The following COX7B2 variants were observed in gnomAD, a reference collection of about 807,000 sequenced individuals.
COX7B2 encodes cytochrome c oxidase subunit 7B2.
For missense variants in COX7B2, 109 were observed against 95.9 expected, an observed-to-expected ratio of 1.14 and a Z score of -0.57; for synonymous variants, 37 against 32.1, an observed-to-expected ratio of 1.15 and a Z score of -0.51.
chr4:46,810,052 C>T (rs191390855), intron 2 of COX7B2, among the ~76,000 whole-genome samples: 1 of 152,060 alleles, frequency 6.6e-6, no homozygotes, highest in Admixed American at 6.5e-5. Flanking sequence ...TAAGTATAGC[C>T]ACTGCTGCTT....
In COX7B2 at chr4:46,876,160, A is replaced by C. The variant is rs561252632; in HGVS notation, c.-104-31146T>G. 8.5e-5 allele frequency among the ~76,000 whole-genome samples: 13 copies of C among 152,258 alleles called. No individual in the cohort carries two copies. The South Asian group carries it at 2.7e-3, about 32-fold the overall frequency. On this transcript the variant is annotated intron_variant, in intron 1 of 2. Transcript: ENST00000355591. Reference sequence around the variant, plus strand: ...ACATGATATGCTTTAAAAAGAACAAAAGGTTTTAAAAATACAACTGTACTA... The same window carrying C: ...ACATGATATGCTTTAAAAAGAACAACAGGTTTTAAAAATACAACTGTACTA...
intron 1 of COX7B2, among the ~76,000 whole-genome samples, chr4:46,846,592 C>G (rs1160615167): frequency 2.0e-5 from 3 of 151,790 alleles, no homozygotes; most frequent in Non-Finnish European, 4.4e-5. Flanking sequence ...TTGAACGGCT[C>G]TAAAGTGAGA....
chr4:46,819,476 CAAG>C (rs746927575), intron 2 of COX7B2, among the ~76,000 whole-genome samples: 2 of 146,200 alleles, frequency 1.4e-5, no homozygotes, highest in African/African-American at 2.5e-5. Context: ...GGCCACACTG[CAAG>C]AAGAAGAATT....
chr4:46,782,535 G>C (rs1015018273), intron 2 of COX7B2, among the ~76,000 whole-genome samples: 4 of 152,174 alleles, frequency 2.6e-5, no homozygotes, highest in Non-Finnish European at 5.9e-5. Flanking sequence ...TCCCATAAGA[G>C]AATAAAAGCA....
At chr4:46,842,020 G>A (rs972409310) in intron 2 of COX7B2, among the ~76,000 whole-genome samples, 1 of 151,886 alleles carries the variant, frequency 6.6e-6, no homozygotes, top group Admixed American at 6.6e-5. Flanking sequence ...TGGATTAGAA[G>A]GATGCAACAG....
At chr4:46,763,076 T>A (rs1380901538) in intron 2 of COX7B2, among the ~76,000 whole-genome samples, 1 of 132,222 alleles carries the variant, frequency 7.6e-6, no homozygotes, top group East Asian at 2.3e-4. Context: ...TTATATAATA[T>A]ATATTACATA....
At chr4:46,822,014 C>T (rs1186664201) in intron 2 of COX7B2, among the ~76,000 whole-genome samples, 1 of 152,098 alleles carries the variant, frequency 6.6e-6, no homozygotes, top group Non-Finnish European at 1.5e-5. Flanking sequence ...TGGGTTCAAG[C>T]GATTCTCCTG....
chr4:46,815,405 A>AGTGTAATAATTATCTATCCTACTT (rs1416346691), intron 2 of COX7B2, among the ~76,000 whole-genome samples: 16 of 152,288 alleles, frequency 1.1e-4, no homozygotes, highest in African/African-American at 3.4e-4. Flanking sequence ...TATGGCCTGC[A>AGTGTAATAATTATCTATCCTACTT]GTGTAATAAT....
chr4:46,843,380 G>C (rs1716065265), intron 2 of COX7B2, among the ~76,000 whole-genome samples: 1 of 152,042 alleles, frequency 6.6e-6, no homozygotes, highest in Non-Finnish European at 1.5e-5. Flanking sequence ...CTCTGAAGTA[G>C]TGATTTGCAT....
chr4:46,771,803 C>T (rs1716894188), intron 2 of COX7B2, among the ~76,000 whole-genome samples: 1 of 152,040 alleles, frequency 6.6e-6, no homozygotes, highest in South Asian at 2.1e-4. Context: ...ACCTCTGATC[C>T]CAAGTATTTC....
In COX7B2 at chr4:46,838,958, C is replaced by T. The variant is rs537308541; in HGVS notation, c.-50+6002G>A. Among the ~76,000 whole-genome samples, 7 of 152,006 alleles carry T rather than the reference C, an allele frequency of 4.6e-5. No individual in the cohort carries two copies. The South Asian group carries it at 1.5e-3, about 32-fold the overall frequency. Reference sequence around the variant, plus strand: ...GCCATGAAATCAAAGTCCCCAGGCCCTGTTTTTGAATCAGGTTCTTCATGC... The same window carrying T: ...GCCATGAAATCAAAGTCCCCAGGCCTTGTTTTTGAATCAGGTTCTTCATGC... On this transcript the variant is annotated intron_variant, in intron 2 of 2. Transcript: ENST00000355591.
chr4:46,745,279 C>T (rs1577651856), intron 2 of COX7B2, among the ~76,000 whole-genome samples: 1 of 152,076 alleles, frequency 6.6e-6, no homozygotes, highest in East Asian at 1.9e-4. Flanking sequence ...TCAAAATATA[C>T]CTGTTAATTA....
chr4:46,747,604 A>G (rs1320353601), intron 2 of COX7B2, among the ~76,000 whole-genome samples: 1 of 152,124 alleles, frequency 6.6e-6, no homozygotes, highest in Non-Finnish European at 1.5e-5. Context: ...GGCTGGCCTT[A>G]GCTCCCACTT....
chr4:46,818,349 G>A (rs1719657094), intron 2 of COX7B2, among the ~76,000 whole-genome samples: 1 of 152,030 alleles, frequency 6.6e-6, no homozygotes, highest in Non-Finnish European at 1.5e-5. Flanking sequence ...ACAGACTACT[G>A]GAAGCCGGGC....
chr4:46,821,129 TCA>T (rs1395525222), intron 2 of COX7B2, among the ~76,000 whole-genome samples: 8 of 152,290 alleles, frequency 5.3e-5, no homozygotes, highest in Non-Finnish European at 1.2e-4. Flanking sequence ...TGCTCCGAAT[TCA>T]GTCTCAAATA....
chr4:46,754,755 A>C (rs1168317790), intron 2 of COX7B2, among the ~76,000 whole-genome samples: 3 of 45,002 alleles, frequency 6.7e-5, no homozygotes, highest in African/African-American at 3.4e-4. Flanking sequence ...TATATGAAAG[A>C]AATCCAGAAT....
chr4:46,760,070 T>A (rs1716056374), intron 2 of COX7B2, among the ~76,000 whole-genome samples: 1 of 151,984 alleles, frequency 6.6e-6, no homozygotes, highest in Non-Finnish European at 1.5e-5. Context: ...ACAGTGGGAA[T>A]GACTGACAAA....
At chr4:46,878,280 A>G (rs1435680070) in intron 1 of COX7B2, among the ~76,000 whole-genome samples, 1 of 152,104 alleles carries the variant, frequency 6.6e-6, no homozygotes. Context: ...GTCAAAGGGT[A>G]TGAACTTTCA....
chr4:46,907,772 A>G lies in COX7B2; in HGVS notation c.-105+1388T>C, dbSNP rs536429964. On this transcript the variant is annotated intron_variant, in intron 1 of 2. Transcript: ENST00000355591. ...GATGGCCAAGTCAGATAACTCCAAGACTTGTCACACCAAACTTCCATCTCT... is the reference window on the plus strand; with the variant it reads ...GATGGCCAAGTCAGATAACTCCAAGGCTTGTCACACCAAACTTCCATCTCT... 1.1e-4 allele frequency among the ~76,000 whole-genome samples: 17 copies of G among 150,438 alleles called. No individual in the cohort carries two copies. In the East Asian group the frequency reaches 3.3e-3, roughly 30 times the overall value.
Sources: gnomAD v4.1 joint callset for allele counts (sites outside exome capture counted in the v4.1 genomes callset) on GRCh38, gnomAD v4.1.1 for gene constraint, MANE v1.5 for transcripts, NCBI Gene and HGNC (gene_info 2026-07-23, HGNC 2026-07-21) for gene names.